PLD1: variants seen among roughly 807,000 people sequenced by gnomAD.
PLD1 encodes the protein phospholipase D1.
PLD1 carries 112 observed loss-of-function variants against 137.1 expected under a neutral mutation model. That is an observed-to-expected ratio of 0.82 (90% CI 0.70 to 0.96). The LOEUF (loss-of-function observed/expected upper bound fraction) is 0.96. Among genes scored for constraint, PLD1 ranks in the 40% least tolerant of loss-of-function variants. PLD1 has a pLI of 0.00. For missense variants in PLD1, 1,321 were observed against 1,342.0 expected, an observed-to-expected ratio of 0.98 and a Z score of 0.24; for synonymous variants, 431 against 454.7, an observed-to-expected ratio of 0.95 and a Z score of 0.66.
chr3:171,654,300 CAAA>C (rs35731319), intron 21 of PLD1: 1,610 of 113,220 alleles, frequency 0.014, no homozygotes, highest in South Asian at 0.03. Flanking sequence ...AAGACTGTCT[CAAA>C]AAAAAAAAAA....
At chr3:171,715,937 T>C (rs1453155288) in intron 8 of PLD1, among the ~76,000 whole-genome samples, 3 of 136,644 alleles carry the variant, frequency 2.2e-5, no homozygotes, top group African/African-American at 7.7e-5. Flanking sequence ...CACCCTCAAG[T>C]AGGCCCTAGT....
chr3:171,653,729 T>A (rs1220164607), intron 21 of PLD1: 1 of 152,258 alleles, frequency 6.6e-6, no homozygotes, highest in African/African-American at 2.4e-5. Context: ...ACAACATATT[T>A]CCAGATGATG....
chr3:171,603,307 T>C lies in PLD1; in HGVS notation c.3001-5A>G. On this transcript the variant is annotated splice_polypyrimidine_tract_variant and splice_region_variant and intron_variant, in intron 26 of 26. Coordinates refer to ENST00000351298, the MANE Select transcript of PLD1 (RefSeq NM_002662.5). ...ATTGGGAAGGCACCGGAAAACCTGA[T>C]TAGAGCATAAATAGAAAAATGAGTG... 1 of 1,604,410 alleles carries C rather than the reference T, an allele frequency of 6.2e-7. No homozygotes were observed. The highest frequency in any genetic ancestry group is 8.5e-7 in the Non-Finnish European group (1 of 1,171,478).
Position 171,690,120 on chromosome 3 carries a change from T to C in PLD1, c.1339-1244A>G, listed in dbSNP as rs377695491. On this transcript the variant is annotated intron_variant, in intron 13 of 26. Transcript: ENST00000351298. ...GATTTAGTCTTGGTAGTTTTCTTATTTCTAGGAACTTGTACATTTCCTCTA... is the reference window on the plus strand; with the variant it reads ...GATTTAGTCTTGGTAGTTTTCTTATCTCTAGGAACTTGTACATTTCCTCTA... 3.2e-4 allele frequency among the ~76,000 whole-genome samples: 48 copies of C among 152,338 alleles called. No individual in the cohort carries two copies. In the East Asian group the frequency reaches 7.5e-3, roughly 24 times the overall value.
intron 23 of PLD1, among the ~76,000 whole-genome samples, chr3:171,631,808 T>C (rs9837314): frequency 0.17 from 25,855 of 151,994 alleles, 2,312 homozygotes; most frequent in South Asian, 0.23. Flanking sequence ...GGGAAAACTT[T>C]CCTTACAGTA....
chr3:171,664,416 G>A (rs1711865375), intron 19 of PLD1, among the ~76,000 whole-genome samples: 2 of 151,666 alleles, frequency 1.3e-5, no homozygotes, highest in African/African-American at 2.4e-5. Context: ...TGGAGGCAAC[G>A]TATACAATTG....
At chr3:171,697,237 C>CTTTTTTTT (rs34340739) in intron 12 of PLD1, among the ~76,000 whole-genome samples, 2 of 97,316 alleles carry the variant, frequency 2.1e-5, no homozygotes, top group African/African-American at 3.9e-5. Flanking sequence ...TTCCGGACAC[C>CTTTTTTTT]TTTTTTTTTT....
At chr3:171,657,793 G>A (rs1457277824) in intron 21 of PLD1, among the ~76,000 whole-genome samples, 2 of 151,472 alleles carry the variant, frequency 1.3e-5, no homozygotes, top group African/African-American at 4.8e-5. Flanking sequence ...AGCGATACAA[G>A]GAAAAAAATA....
chr3:171,604,988 C>T (rs1374995821), intron 26 of PLD1, among the ~76,000 whole-genome samples: 1 of 152,128 alleles, frequency 6.6e-6, no homozygotes, highest in Non-Finnish European at 1.5e-5. Flanking sequence ...TGCCATCTGC[C>T]CCTCTTCTCT....
chr3:171,712,519 G>C (rs904759820), intron 9 of PLD1, among the ~76,000 whole-genome samples: 1 of 152,094 alleles, frequency 6.6e-6, no homozygotes, highest in Non-Finnish European at 1.5e-5. Context: ...AAGGGAAAGA[G>C]GCAAGAAAAA....
At chr3:171,677,220 T>A (rs188746953) in intron 17 of PLD1, among the ~76,000 whole-genome samples, 7 of 152,336 alleles carry the variant, frequency 4.6e-5, no homozygotes, top group Non-Finnish European at 8.8e-5. Context: ...CCTGAAAATA[T>A]GCCATTCTAA....
intron 19 of PLD1, among the ~76,000 whole-genome samples, chr3:171,672,864 CA>C (rs1482218361): frequency 5.3e-5 from 8 of 152,228 alleles, no homozygotes. Context: ...CTATTGACCT[CA>C]CCAGGCAGCA....
At chr3:171,796,094 G>A (rs1325705748) in intron 1 of PLD1, among the ~76,000 whole-genome samples, 1 of 152,182 alleles carries the variant, frequency 6.6e-6, no homozygotes, top group Non-Finnish European at 1.5e-5. Flanking sequence ...CTTACCCAAT[G>A]ATTCAATCCA....
chr3:171,716,595 T>A (rs2108222469), intron 8 of PLD1, among the ~76,000 whole-genome samples: 2 of 152,340 alleles, frequency 1.3e-5, no homozygotes, highest in South Asian at 2.1e-4. Context: ...ATTTTTTGTT[T>A]TTTTGCTTGT....
intron 1 of PLD1, among the ~76,000 whole-genome samples, chr3:171,801,362 C>T (rs991702390): frequency 5.3e-5 from 8 of 152,252 alleles, no homozygotes; most frequent in African/African-American, 1.7e-4. Context: ...AAACCTACCC[C>T]GTGTATCTGG....
At chr3:171,639,134 C>A (rs949248650) in intron 23 of PLD1, among the ~76,000 whole-genome samples, 1 of 146,468 alleles carries the variant, frequency 6.8e-6, no homozygotes, top group African/African-American at 2.5e-5. Context: ...CATAATAAAT[C>A]TTTTCATATA....
chr3:171,690,994 T>C (rs879929848), intron 13 of PLD1, among the ~76,000 whole-genome samples: 9 of 152,210 alleles, frequency 5.9e-5, no homozygotes, highest in Non-Finnish European at 1.0e-4. Flanking sequence ...TTATCTGTTA[T>C]TAGGTACATA....
intron 20 of PLD1, among the ~76,000 whole-genome samples, chr3:171,660,287 C>T (rs1038981881): frequency 1.3e-5 from 2 of 152,198 alleles, no homozygotes; most frequent in African/African-American, 4.8e-5. Context: ...AGACACGGTG[C>T]AGAAAGTCTT....
chr3:171,740,887 T>A (rs2108271223), intron 1 of PLD1, among the ~76,000 whole-genome samples: 1 of 152,360 alleles, frequency 6.6e-6, no homozygotes, highest in Non-Finnish European at 1.5e-5. Flanking sequence ...TCGTCCAAGG[T>A]CACTCAACTT....
Sources: gnomAD v4.1 joint callset for allele counts (sites outside exome capture counted in the v4.1 genomes callset) on GRCh38, gnomAD v4.1.1 for gene constraint, MANE v1.5 for transcripts, NCBI Gene and HGNC (gene_info 2026-07-23, HGNC 2026-07-21) for gene names.